The following GPHN variants were observed in gnomAD, a reference collection of about 807,000 sequenced individuals.
The protein encoded by GPHN is gephyrin.
A neutral mutation model predicts 95.5 loss-of-function variants in GPHN; 17 were observed. The observed-to-expected ratio is 0.18, with a 90% CI of 0.12 to 0.27. GPHN has a LOEUF of 0.27. GPHN is among the 10% of genes least tolerant of loss of function. The probability of loss-of-function intolerance (pLI) is 1.00; values close to 1 mark genes in which losing one functional copy is unlikely to be tolerated. For synonymous variants in GPHN, 320 were observed against 322.5 expected (o/e 0.99, Z 0.08); for missense variants, 660 against 978.1 (o/e 0.67, Z 4.34).
chr14:66,584,911 G>T (rs2061357040), intron 1 of GPHN, among the ~76,000 whole-genome samples: 1 of 152,086 alleles, frequency 6.6e-6, no homozygotes, highest in Non-Finnish European at 1.5e-5. Flanking sequence ...TTAAAATGAG[G>T]TAGGGAGGAT....
intron 1 of GPHN, among the ~76,000 whole-genome samples, chr14:66,545,498 G>A: frequency 8.0e-6 from 1 of 124,326 alleles, no homozygotes; most frequent in South Asian, 2.6e-4. Context: ...GGGGCGGCTG[G>A]CCGGGCGGGG....
At chr14:66,520,180 A>G in intron 1 of GPHN, among the ~76,000 whole-genome samples, 1 of 152,172 alleles carries the variant, frequency 6.6e-6, no homozygotes, top group East Asian at 1.9e-4. Context: ...TAATAATATT[A>G]TACATTTATC....
the GPHN span, among the ~76,000 whole-genome samples, chr14:67,446,630 A>T: frequency 6.6e-6 from 1 of 152,232 alleles, no homozygotes; most frequent in African/African-American, 2.4e-5. Context: ...CCTTCTGATG[A>T]GCCATTAGGA....
chr14:67,142,114 T>C (rs1012416990), intron 17 of GPHN, among the ~76,000 whole-genome samples: 4 of 152,160 alleles, frequency 2.6e-5, no homozygotes, highest in African/African-American at 9.7e-5. Flanking sequence ...CCCTTTTTAG[T>C]TGTTCTCATT....
rs564318790 is a variant in GPHN at position 67,058,993 on chromosome 14, C to T, written c.1144+207C>T. 3 of 447,246 alleles carry T rather than the reference C, an allele frequency of 6.7e-6. No homozygotes were observed. The South Asian group carries it at 1.9e-4, about 28-fold the overall frequency. 27.7% of individuals were successfully genotyped at this position (447,246 alleles called of 1,614,324 possible). ...AGTATACAGAGTAAAATCCATGAAACTGCCTTTTCATTAAAAAAAGGAAAA... is the reference window on the plus strand; with the variant it reads ...AGTATACAGAGTAAAATCCATGAAATTGCCTTTTCATTAAAAAAAGGAAAA... On this transcript the variant is annotated intron_variant, in intron 11 of 22. Coordinates refer to ENST00000478722, the MANE Select transcript of GPHN (RefSeq NM_020806.5).
Position 66,640,901 on chromosome 14 carries a change from A to T in GPHN, c.65-40206A>T, listed in dbSNP as rs778315691. Among the ~76,000 whole-genome samples the T allele has an allele frequency of 7.2e-5, 11 of 152,324 alleles. No homozygotes were observed. The South Asian group carries it at 2.1e-3, about 29-fold the overall frequency. On this transcript the variant is annotated intron_variant, in intron 1 of 22. Transcript: ENST00000478722. Reference sequence around the variant, plus strand: ...ATTCTTCCTCTGTTTTGTCCTAATTATATTGGTAATCACATTCAATATAAA... The same window carrying T: ...ATTCTTCCTCTGTTTTGTCCTAATTTTATTGGTAATCACATTCAATATAAA...
intron 1 of GPHN, among the ~76,000 whole-genome samples, chr14:66,510,498 T>G (rs759576277): frequency 2.8e-4 from 42 of 152,230 alleles, no homozygotes; most frequent in Non-Finnish European, 5.4e-4. Context: ...GTCCCTACAG[T>G]CTAATATGGA....
chr14:67,373,043 A>G, the GPHN span, among the ~76,000 whole-genome samples: 1 of 152,220 alleles, frequency 6.6e-6, no homozygotes, highest in African/African-American at 2.4e-5. Context: ...TTTAAAAATC[A>G]ATTGAGAGAC....
the GPHN span, chr14:67,365,081 A>G: frequency 5.6e-6 from 8 of 1,434,624 alleles, no homozygotes; most frequent in Non-Finnish European, 7.4e-6. Flanking sequence ...TTTTTTGTAA[A>G]TTGCAAGCTG....
Position 66,901,969 on chromosome 14 carries a change from TA to T in GPHN, c.390-14033del, listed in dbSNP as rs1250306428. ...TGAATGTCTAGATTACATTGGGTAC[TA>T]TGGTCATTTTAACAATATTCTTCCT... On this transcript the variant is annotated intron_variant, in intron 5 of 22. Coordinates refer to ENST00000478722, the MANE Select transcript of GPHN (RefSeq NM_020806.5). 3.3e-5 allele frequency among the ~76,000 whole-genome samples: 5 copies of T among 152,188 alleles called. No homozygotes were observed. The East Asian group carries it at 9.6e-4, about 29-fold the overall frequency.
intron 13 of GPHN, among the ~76,000 whole-genome samples, chr14:67,109,110 A>T (rs72715374): frequency 0.044 from 6,628 of 152,282 alleles, 188 homozygotes; most frequent in Middle Eastern, 0.068. Flanking sequence ...GTAAGCAATT[A>T]TAATGGTATT....
chr14:66,587,374 A>T (rs527398182), intron 1 of GPHN, among the ~76,000 whole-genome samples: 147 of 152,334 alleles, frequency 9.6e-4, no homozygotes, highest in Admixed American at 2.7e-3. Flanking sequence ...CTTTCAAACT[A>T]TTTTAAGAGG....
At chr14:67,461,885 G>A in the GPHN span, among the ~76,000 whole-genome samples, 1 of 152,240 alleles carries the variant, frequency 6.6e-6, no homozygotes, top group South Asian at 2.1e-4. Context: ...CCAAGGAACA[G>A]GCTTTCCCTT....
chr14:66,620,646 C>A (rs1419089674), intron 1 of GPHN, among the ~76,000 whole-genome samples: 3 of 152,140 alleles, frequency 2.0e-5, no homozygotes, highest in African/African-American at 7.2e-5. Context: ...AGAGGGGACA[C>A]AGCCAAACCA....
chr14:66,918,295 T>G (rs1276980038), intron 6 of GPHN, among the ~76,000 whole-genome samples: 1 of 152,190 alleles, frequency 6.6e-6, no homozygotes, highest in Non-Finnish European at 1.5e-5. Flanking sequence ...CAGCTGGGGA[T>G]GCTCACCTGA....
In GPHN at chr14:66,814,072, G is replaced by C. The variant is rs190956444; in HGVS notation, c.202-10402G>C. Among the ~76,000 whole-genome samples the C allele has an allele frequency of 2.1e-3, 314 of 152,238 alleles. 2 individuals are homozygous for C. The highest frequency in any genetic ancestry group is 7.3e-3 in the African/African-American group (305 of 41,536). On this transcript the variant is annotated intron_variant, in intron 3 of 22. Coordinates refer to ENST00000478722, the MANE Select transcript of GPHN (RefSeq NM_020806.5). Reference sequence around the variant, plus strand: ...AGGTGGCTTTTGCTTTACTTGCCCAGCCAGCACACAGGAACGCAGTCTGCC... The same window carrying C: ...AGGTGGCTTTTGCTTTACTTGCCCACCCAGCACACAGGAACGCAGTCTGCC...
the GPHN span, among the ~76,000 whole-genome samples, chr14:67,609,476 C>G: frequency 6.6e-6 from 1 of 152,116 alleles, no homozygotes; most frequent in African/African-American, 2.4e-5. Context: ...TTATGTAGGG[C>G]TGATTGATTA....
the GPHN span, among the ~76,000 whole-genome samples, chr14:67,223,417 T>G: frequency 6.6e-6 from 1 of 152,226 alleles, no homozygotes; most frequent in South Asian, 2.1e-4. Flanking sequence ...TATCATAGCT[T>G]ACAAGAAAAG....
Position 66,805,021 on chromosome 14 carries a change from A to G in GPHN, c.202-19453A>G, listed in dbSNP as rs575008087. Among the ~76,000 whole-genome samples the G allele has an allele frequency of 1.6e-4, 25 of 152,280 alleles. No homozygotes were observed. In the South Asian group the frequency reaches 4.8e-3, roughly 29 times the overall value. On this transcript the variant is annotated intron_variant, in intron 3 of 22. Transcript: ENST00000478722. Reference sequence around the variant, plus strand: ...TTACTAACTCATTTTAATTCTCTGTATTAGTCTGTTTCACGCTGCTGATAA... The same window carrying G: ...TTACTAACTCATTTTAATTCTCTGTGTTAGTCTGTTTCACGCTGCTGATAA...
Sources: allele counts gnomAD v4.1 joint callset (sites outside exome capture counted in the v4.1 genomes callset), GRCh38; gene constraint gnomAD v4.1.1; transcripts MANE v1.5; gene names NCBI Gene and HGNC (gene_info 2026-07-23, HGNC 2026-07-21).